Variants in KCNT1 observed in about 807,000 individuals in gnomAD.
KCNT1 encodes potassium sodium-activated channel subfamily T member 1.
A neutral mutation model predicts 147.8 loss-of-function variants in KCNT1; 78 were observed. That is an observed-to-expected ratio of 0.53 (90% CI 0.44 to 0.64). The LOEUF (loss-of-function observed/expected upper bound fraction) is 0.64, where lower values mean the gene tolerates loss of function less well. KCNT1 is among the 30% of genes least tolerant of loss of function. The pLI, the probability that KCNT1 is intolerant of heterozygous loss-of-function variation, is 0.00. For synonymous variants in KCNT1, 867 were observed against 748.8 expected (o/e 1.16, Z -2.58); for missense variants, 1,419 against 1,750.3 (o/e 0.81, Z 3.38).
At chr9:135,720,052 C>T (rs1388789771) in intron 2 of KCNT1, among the ~76,000 whole-genome samples, 2 of 152,148 alleles carry the variant, frequency 1.3e-5, no homozygotes, top group Admixed American at 6.5e-5. Flanking sequence ...AGCGGGCCTG[C>T]GTGGAGGATG....
chr9:135,710,504 C>T (rs1190131895), intron 1 of KCNT1, among the ~76,000 whole-genome samples: 2 of 152,188 alleles, frequency 1.3e-5, no homozygotes, highest in East Asian at 1.9e-4. Flanking sequence ...TGAGTCAGGA[C>T]AGGTGGAGCT....
intron 13 of KCNT1, among the ~76,000 whole-genome samples, 153 bp downstream of exon 13, chr9:135,765,913 GTCC>G (rs1266762744): frequency 3.4e-4 from 51 of 152,188 alleles, no homozygotes; most frequent in African/African-American, 1.2e-3. Flanking sequence ...TAGGTGGACT[GTCC>G]AGGGTGGATC....
At chr9:135,766,426 A>G (rs1832290207) in intron 13 of KCNT1, among the ~76,000 whole-genome samples, 1 of 151,256 alleles carries the variant, frequency 6.6e-6, no homozygotes, top group South Asian at 2.1e-4. Flanking sequence ...TCTAGGGTGG[A>G]CCATCTGGGG....
At position 135,786,434 on chromosome 9, in the gene KCNT1, A is replaced by G. The variant is rs1374194638; in HGVS notation, c.3415A>G (p.Ser1139Gly). ...AAEWISQQRL[S>G]LYRRSERQEL... ...GGAGTGGATCAGCCAGCAGCGCCTC[A>G]GCCTGTACCGGCGCTCTGAGCGCCA... is the stretch of plus-strand genomic sequence containing the variant. The change falls in exon 29 of 31, where the codon AGC becomes GGC. Residue 1139 changes from serine to glycine, a missense_variant. By Grantham distance (56) the Ser-to-Gly change is moderately conservative. Around this residue, in one of 5 missense-constraint regions of KCNT1, gnomAD observed 306 missense variants for 294.2 expected, o/e 1.04. Transcript: ENST00000371757. 1.9e-6 allele frequency: 3 copies of G among 1,595,078 alleles called. No homozygotes were observed. The highest frequency in any genetic ancestry group is 2.6e-6 in the Non-Finnish European group (3 of 1,171,992).
At chr9:135,758,980 C>G (rs947258406) in intron 10 of KCNT1, among the ~76,000 whole-genome samples, 1 of 152,216 alleles carries the variant, frequency 6.6e-6, no homozygotes, top group Admixed American at 6.5e-5. Flanking sequence ...TGGGTCCCAG[C>G]GAGGCCTGGT....
rs1238409152 is a variant in KCNT1 at position 135,795,083 on chromosome 9, T to A, written c.*2922T>A. 1 of 152,206 alleles carries A rather than the reference T, an allele frequency of 6.6e-6. No individual in the cohort carries two copies. The highest frequency in any genetic ancestry group is 1.9e-4 in the East Asian group (1 of 5,200). The allele number at this position is 152,206 out of a possible 1,614,324, so 9.4% of individuals were successfully genotyped here. A position where few individuals can be genotyped will look rare whatever the true frequency, so the allele number is the denominator to read the frequency against. Reference sequence around the variant, plus strand: ...CATACAAAATGAGTGAGACACCTGCTATTTTCCTTATTCCTGTTTTTTGTT... The same window carrying A: ...CATACAAAATGAGTGAGACACCTGCAATTTTCCTTATTCCTGTTTTTTGTT... On this transcript the variant is annotated 3_prime_UTR_variant, in exon 31 of 31. Transcript: ENST00000371757.
intron 16 of KCNT1, 37 bp from the exon 17 acceptor site, chr9:135,770,261 G>A (rs374511181): frequency 3.7e-5 from 57 of 1,558,194 alleles, no homozygotes; most frequent in South Asian, 4.8e-5. Flanking sequence ...AGCCATGGCC[G>A]AGGGTGACGC....
chr9:135,721,636 C>A (rs754845631), intron 2 of KCNT1, among the ~76,000 whole-genome samples: 1 of 152,220 alleles, frequency 6.6e-6, no homozygotes, highest in Non-Finnish European at 1.5e-5. Flanking sequence ...ATGATTGAGT[C>A]AAGGTCTGGT....
In KCNT1 at chr9:135,792,586, G is replaced by A; in HGVS notation, c.*425G>A. On this transcript the variant is annotated 3_prime_UTR_variant, in exon 31 of 31. Coordinates refer to ENST00000371757, the MANE Select transcript of KCNT1 (RefSeq NM_020822.3). ...GTGGGCCACACCCAACTCAGAGCCGGCCTGAGCGTTCACGGCCAGGCAGCC... is the reference window on the plus strand; with the variant it reads ...GTGGGCCACACCCAACTCAGAGCCGACCTGAGCGTTCACGGCCAGGCAGCC... 6.1e-6 allele frequency: 1 copy of A among 164,212 alleles called. No homozygotes were observed. The allele number at this position is 164,212 out of a possible 1,614,324, so 10.2% of individuals were successfully genotyped here. A position where few individuals can be genotyped will look rare whatever the true frequency, so the allele number is the denominator to read the frequency against.
chr9:135,727,806 A>G (rs1836281747), intron 2 of KCNT1, among the ~76,000 whole-genome samples: 1 of 152,220 alleles, frequency 6.6e-6, no homozygotes, highest in African/African-American at 2.4e-5. Flanking sequence ...GGTCTGTGCC[A>G]GGGCCCTTCT....
At chr9:135,743,595 G>A (rs367916330) in intron 2 of KCNT1, among the ~76,000 whole-genome samples, 1 of 152,216 alleles carries the variant, frequency 6.6e-6, no homozygotes, top group East Asian at 1.9e-4. Context: ...GGTGACGGGT[G>A]TGAGATAGAA....
Position 135,792,337 on chromosome 9 carries a change from A to C in KCNT1, c.*176A>C. On this transcript the variant is annotated 3_prime_UTR_variant, in exon 31 of 31. Coordinates refer to ENST00000371757, the MANE Select transcript of KCNT1 (RefSeq NM_020822.3). ...CCTCATGCGGGGGGAGGGCCAGCTCACCCCTGGGCACCTGCAGGCTAGTGA... is the reference window on the plus strand; with the variant it reads ...CCTCATGCGGGGGGAGGGCCAGCTCCCCCCTGGGCACCTGCAGGCTAGTGA... 1 of 698,208 alleles carries C rather than the reference A, an allele frequency of 1.4e-6. No homozygotes were observed. The highest frequency in any genetic ancestry group is 2.3e-6 in the Non-Finnish European group (1 of 436,202). 43.3% of individuals were successfully genotyped at this position (698,208 alleles called of 1,614,324 possible). A position where few individuals can be genotyped will look rare whatever the true frequency, so the allele number is the denominator to read the frequency against.
chr9:135,773,129 C>T (rs957096549), intron 19 of KCNT1, among the ~76,000 whole-genome samples, 180 bp downstream of exon 19: 6 of 152,224 alleles, frequency 3.9e-5, no homozygotes, highest in Admixed American at 3.3e-4. Flanking sequence ...GACATCAGGG[C>T]CACATCACCC....
chr9:135,737,175 G>A (rs575210129), intron 2 of KCNT1, among the ~76,000 whole-genome samples: 41 of 152,354 alleles, frequency 2.7e-4, no homozygotes, highest in African/African-American at 9.4e-4. Context: ...CCAGAGGTGA[G>A]TGAGGCCGAA....
At chr9:135,775,022 G>C (rs1340235171) in intron 19 of KCNT1, among the ~76,000 whole-genome samples, 1 of 152,114 alleles carries the variant, frequency 6.6e-6, no homozygotes, top group Non-Finnish European at 1.5e-5. Flanking sequence ...CACCTGCATG[G>C]GTGCCCTGGG....
rs772800657 is a variant in KCNT1, at chr9:135,772,905, G to T, written c.2199G>T (p.Glu733Asp). The change falls in exon 19 of 31, where the codon GAG becomes GAT. Residue 733 changes from glutamate (E) to aspartate (D), a missense_variant. By Grantham distance (45) the Glu-to-Asp change is conservative. Around this residue, in one of 5 missense-constraint regions of KCNT1, gnomAD observed 284 missense variants for 292.8 expected, o/e 0.97. Coordinates refer to ENST00000371757, the MANE Select transcript of KCNT1 (RefSeq NM_020822.3). ...LPCDLLSDQSEDEVTPSDDEG... is the reference protein window; with the variant it reads ...LPCDLLSDQSDDEVTPSDDEG... ...GCGACCTGCTGAGCGACCAGTCGGA[G>T]GATGAGGTGACGCCGTCGGACGACG... The T allele has an allele frequency of 3.2e-6, 5 of 1,548,884 alleles. No individual in the cohort carries two copies. In the African/African-American group the frequency reaches 6.8e-5, roughly 21 times the overall value.
Position 135,702,198 on chromosome 9 carries a change from G to A in KCNT1, c.-61G>A. On this transcript the variant is annotated 5_prime_UTR_variant, in exon 1 of 31. Coordinates refer to ENST00000371757, the MANE Select transcript of KCNT1 (RefSeq NM_020822.3). ...AAAATGTTTTTCAGGGCAACGCGAG[G>A]GAAGAAGGTGGCGGCTCCCACTCGC... is the stretch of plus-strand genomic sequence containing the variant. 13 of 1,248,624 alleles carry A rather than the reference G, an allele frequency of 1.0e-5. No individual in the cohort carries two copies. The highest frequency in any genetic ancestry group is 1.4e-5 in the Non-Finnish European group (12 of 866,900). 77.3% of individuals were successfully genotyped at this position (1,248,624 alleles called of 1,614,324 possible). A position where few individuals can be genotyped will look rare whatever the true frequency, so the allele number is the denominator to read the frequency against.
At chr9:135,785,521 C>A (rs1833974877) in intron 28 of KCNT1, 191 bp downstream of exon 28, 1 of 729,592 alleles carries the variant, frequency 1.4e-6, no homozygotes, top group South Asian at 1.6e-5. Flanking sequence ...TCACTCCCTC[C>A]TGCACTGGTG....
intron 6 of KCNT1, among the ~76,000 whole-genome samples, 173 bp from the exon 7 acceptor site, chr9:135,756,700 G>T (rs575966927): frequency 4.6e-5 from 7 of 152,080 alleles, no homozygotes; most frequent in Non-Finnish European, 8.8e-5. Flanking sequence ...GCCCTGGCGG[G>T]GGTCAGCCAA....
Sources: allele counts gnomAD v4.1 joint callset (sites outside exome capture counted in the v4.1 genomes callset), GRCh38; gene constraint gnomAD v4.1.1; regional missense constraint gnomAD v4.1.1; transcripts MANE v1.5; gene names NCBI Gene and HGNC (gene_info 2026-07-23, HGNC 2026-07-21).